MYRIP: variants seen among roughly 807,000 people sequenced by gnomAD.
The protein encoded by MYRIP is rab effector MyRIP.
MYRIP carries 49 observed loss-of-function variants against 98.0 expected under a neutral mutation model. That is an observed-to-expected ratio of 0.50 (90% CI 0.40 to 0.63). The LOEUF is 0.63. MYRIP is among the 30% of genes least tolerant of loss of function. The probability of loss-of-function intolerance (pLI) is 0.00; values close to 1 mark genes in which losing one functional copy is unlikely to be tolerated. For missense variants in MYRIP, 1,004 were observed against 1,058.2 expected, an observed-to-expected ratio of 0.95 and a Z score of 0.71; for synonymous variants, 404 against 409.5, an observed-to-expected ratio of 0.99 and a Z score of 0.16.
chr3:39,875,261 A>C (rs565872151), intron 1 of MYRIP, among the ~76,000 whole-genome samples: 166 of 152,156 alleles, frequency 1.1e-3, no homozygotes, highest in African/African-American at 3.9e-3. Flanking sequence ...CTAGTGGTCT[A>C]TCAATTTTGT....
At chr3:39,851,837 G>A (rs1287267554) in intron 1 of MYRIP, among the ~76,000 whole-genome samples, 1 of 152,064 alleles carries the variant, frequency 6.6e-6, no homozygotes, top group Admixed American at 6.6e-5. Context: ...AGGATCTGGT[G>A]CCTGGTAGTT....
At chr3:40,085,425 C>T (rs1397891188) in intron 3 of MYRIP, among the ~76,000 whole-genome samples, 2 of 152,164 alleles carry the variant, frequency 1.3e-5, no homozygotes, top group African/African-American at 4.8e-5. Flanking sequence ...GCTGGGATTA[C>T]AGGCACCCAC....
intron 4 of MYRIP, among the ~76,000 whole-genome samples, chr3:40,152,939 C>A (rs962298531): frequency 3.3e-5 from 4 of 121,598 alleles, no homozygotes; most frequent in Non-Finnish European, 6.8e-5. Context: ...CAGCATAGCA[C>A]AATCCTGTCT....
chr3:40,143,299 GTTC>G (rs1949946819), intron 3 of MYRIP, among the ~76,000 whole-genome samples: 1 of 152,180 alleles, frequency 6.6e-6, no homozygotes, highest in Non-Finnish European at 1.5e-5. Context: ...CGACACAAAG[GTTC>G]TTCTCATCTA....
intron 3 of MYRIP, among the ~76,000 whole-genome samples, chr3:40,110,525 T>G (rs1490898951): frequency 1.3e-5 from 2 of 152,164 alleles, no homozygotes. Flanking sequence ...GAATGGGTGA[T>G]TCTGTTTAAC....
intron 2 of MYRIP, among the ~76,000 whole-genome samples, chr3:40,000,711 C>T (rs1308899505): frequency 1.3e-5 from 2 of 152,034 alleles, no homozygotes; most frequent in Non-Finnish European, 2.9e-5. Flanking sequence ...GCCAAGAAAA[C>T]TGATGAGACT....
At chr3:39,927,451 G>A (rs901543200) in intron 2 of MYRIP, among the ~76,000 whole-genome samples, 1 of 151,658 alleles carries the variant, frequency 6.6e-6, no homozygotes, top group Non-Finnish European at 1.5e-5. Flanking sequence ...AGTTGATGTT[G>A]GACAAATTCC....
intron 2 of MYRIP, among the ~76,000 whole-genome samples, chr3:39,955,311 A>C (rs947736223): frequency 2.6e-5 from 4 of 152,238 alleles, no homozygotes; most frequent in African/African-American, 9.6e-5. Flanking sequence ...GAAGCCCATC[A>C]GACTAACAAT....
At chr3:40,075,448 A>G (rs186307450) in intron 3 of MYRIP, among the ~76,000 whole-genome samples, 1 of 152,334 alleles carries the variant, frequency 6.6e-6, no homozygotes, top group Admixed American at 6.5e-5. Flanking sequence ...GGGCGAGAGC[A>G]TGGCTTTGGA....
chr3:39,947,133 A>G (rs890085903), intron 2 of MYRIP, among the ~76,000 whole-genome samples: 2 of 152,328 alleles, frequency 1.3e-5, no homozygotes, highest in African/African-American at 2.4e-5. Context: ...GCTGGAGATA[A>G]TAGAACATTT....
chr3:40,017,662 A>T (rs919200574), intron 2 of MYRIP, among the ~76,000 whole-genome samples: 2 of 151,086 alleles, frequency 1.3e-5, no homozygotes, highest in African/African-American at 2.4e-5. Flanking sequence ...AAGAGCTGAG[A>T]GTCTAAAATA....
At chr3:40,245,927 T>TTA (rs1284954508) in intron 13 of MYRIP, among the ~76,000 whole-genome samples, 71 of 146,742 alleles carry the variant, frequency 4.8e-4, no homozygotes, top group African/African-American at 1.6e-3. Context: ...TTTTTTTTTT[T>TTA]TTTTTGTATT....
intron 10 of MYRIP, among the ~76,000 whole-genome samples, chr3:40,208,589 G>A (rs116739318): frequency 0.012 from 1,755 of 152,278 alleles, 41 homozygotes; most frequent in African/African-American, 0.039. Flanking sequence ...TTAAGGGAAT[G>A]TCAAACAATA....
chr3:40,191,934 A>C (rs1951222290), intron 10 of MYRIP, among the ~76,000 whole-genome samples: 1 of 151,998 alleles, frequency 6.6e-6, no homozygotes, highest in African/African-American at 2.4e-5. Flanking sequence ...CTTTCTATTT[A>C]TTCTGAAATG....
chr3:40,011,717 T>G (rs1405435286), intron 2 of MYRIP, among the ~76,000 whole-genome samples: 1 of 152,198 alleles, frequency 6.6e-6, no homozygotes, highest in African/African-American at 2.4e-5. Flanking sequence ...AGATTTAGAA[T>G]AGGAAAGTAA....
chr3:40,087,644 G>A (rs1023920110), intron 3 of MYRIP, among the ~76,000 whole-genome samples: 4 of 152,156 alleles, frequency 2.6e-5, no homozygotes, highest in South Asian at 2.1e-4. Context: ...AGTGTTTGCC[G>A]ATTTCCACTA....
At chr3:39,834,062 T>C (rs1182974299) in intron 1 of MYRIP, among the ~76,000 whole-genome samples, 1 of 152,164 alleles carries the variant, frequency 6.6e-6, no homozygotes. Context: ...AAATTTGTTG[T>C]TCTTTTCTAT....
chr3:40,009,482 CGCCTCG>C (rs1946708549), intron 2 of MYRIP, among the ~76,000 whole-genome samples: 1 of 152,026 alleles, frequency 6.6e-6, no homozygotes, highest in Admixed American at 6.5e-5. Flanking sequence ...ATGATCCGCC[CGCCTCG>C]GCCTCGGCCT....
intron 2 of MYRIP, among the ~76,000 whole-genome samples, chr3:39,957,526 T>C (rs545576796): frequency 1.6e-3 from 251 of 152,218 alleles, no homozygotes; most frequent in Non-Finnish European, 2.2e-3. Flanking sequence ...ATGGGATGTA[T>C]CTCAAAATAA....
Sources: gnomAD v4.1 joint callset for allele counts (sites outside exome capture counted in the v4.1 genomes callset) on GRCh38, gnomAD v4.1.1 for gene constraint, MANE v1.5 for transcripts, NCBI Gene and HGNC (gene_info 2026-07-23, HGNC 2026-07-21) for gene names.